FMN1: variants seen among roughly 807,000 people sequenced by gnomAD.
FMN1 encodes formin-1.
Under a neutral mutation model 132.4 loss-of-function variants are expected in FMN1, and 110 were observed. That is an observed-to-expected ratio of 0.83 (90% CI 0.71 to 0.97). The LOEUF is 0.97. FMN1 is among the 50% of genes least tolerant of loss of function. The probability of loss-of-function intolerance (pLI) is 0.00; values close to 1 mark genes in which losing one functional copy is unlikely to be tolerated. For missense variants in FMN1, 1,792 were observed against 1,705.3 expected, an observed-to-expected ratio of 1.05 and a Z score of -0.90; for synonymous variants, 722 against 651.7, an observed-to-expected ratio of 1.11 and a Z score of -1.64.
At chr15:32,936,752 T>C (rs1175512947) in intron 9 of FMN1, among the ~76,000 whole-genome samples, 1 of 151,648 alleles carries the variant, frequency 6.6e-6, no homozygotes, top group Non-Finnish European at 1.5e-5. Context: ...TGGGTGAAGA[T>C]GAAGAAGAGC....
intron 9 of FMN1, among the ~76,000 whole-genome samples, chr15:32,936,229 T>G (rs1394027462): frequency 6.6e-6 from 1 of 152,228 alleles, no homozygotes; most frequent in African/African-American, 2.4e-5. Flanking sequence ...AGGATTGGTT[T>G]GATTTCTTTT....
chr15:32,906,767 G>A (rs549387129), intron 12 of FMN1, among the ~76,000 whole-genome samples: 2 of 152,206 alleles, frequency 1.3e-5, no homozygotes, highest in Admixed American at 6.5e-5. Context: ...AGGATCAGTT[G>A]AGGGTAGGGA....
rs150117621 is a variant in FMN1, at chr15:33,008,594, C to T, written c.2162-519G>A. Among the ~76,000 whole-genome samples the T allele has an allele frequency of 4.6e-3, 705 of 152,278 alleles. 7 individuals carry two copies. Among genetic ancestry groups the T allele is most frequent in the African/African-American group, 0.016 (679 of 41,556 alleles). On this transcript the variant is annotated intron_variant, in intron 6 of 20. Coordinates refer to ENST00000616417, the MANE Select transcript of FMN1 (RefSeq NM_001277313.2). The stretch of plus-strand genomic sequence containing the variant: ...ATCTCAGAAAGTCAATACTATTTGT[C>T]ATTTGGATGAGAGATTCTAGGGTGA...
rs74451724 is a variant in FMN1, at chr15:32,839,199, G to A, written c.3928+17816C>T. On this transcript the variant is annotated intron_variant, in intron 17 of 20. Coordinates refer to ENST00000616417, the MANE Select transcript of FMN1 (RefSeq NM_001277313.2). ...CGGCTGGCTTCTCACAGGCAGCTTC[G>A]GGTCTACCGCTTTCTGCACCCTGCC... Among the ~76,000 whole-genome samples, 969 of 152,210 alleles carry A rather than the reference G, an allele frequency of 6.4e-3. 13 individuals are homozygous for A. The highest frequency in any genetic ancestry group is 0.056 in the East Asian group (292 of 5,170).
chr15:32,910,246 T>C (rs923602286), intron 11 of FMN1, among the ~76,000 whole-genome samples: 22 of 152,202 alleles, frequency 1.4e-4, no homozygotes, highest in African/African-American at 5.1e-4. Context: ...CCACCTGAGA[T>C]GCCCTGCCTT....
intron 4 of FMN1, among the ~76,000 whole-genome samples, chr15:33,093,723 A>C (rs2038982236): frequency 6.6e-6 from 1 of 152,290 alleles, no homozygotes; most frequent in South Asian, 2.1e-4. Flanking sequence ...GGACAGGCGG[A>C]AGGTGTGGCC....
intron 7 of FMN1, among the ~76,000 whole-genome samples, chr15:32,988,783 A>AGAACG (rs111612459): frequency 6.6e-6 from 1 of 151,628 alleles, no homozygotes; most frequent in African/African-American, 2.4e-5. Flanking sequence ...GTATTGAGAA[A>AGAACG]GTTGAGAACC....
At chr15:32,964,013 C>CGA in intron 9 of FMN1, 94 bp downstream of exon 9, 1 of 343,582 alleles carries the variant, frequency 2.9e-6, no homozygotes, top group African/African-American at 3.8e-5. Flanking sequence ...TGTGTATATA[C>CGA]GATACACACA....
Position 32,798,788 on chromosome 15 carries a change from T to C in FMN1, c.4130+16A>G, listed in dbSNP as rs764050712. 2.5e-6 allele frequency: 4 copies of C among 1,602,040 alleles called. No homozygotes were observed. The highest frequency in any genetic ancestry group is 3.4e-6 in the Non-Finnish European group (4 of 1,173,666). On this transcript the variant is annotated intron_variant, in intron 19 of 20. Coordinates refer to ENST00000616417, the MANE Select transcript of FMN1 (RefSeq NM_001277313.2). ...GGCTCCTGAAGGAGGCATTAAAATCTTTTTTTGAACCTTACCTTTCTTTAG... is the reference window on the plus strand; with the variant it reads ...GGCTCCTGAAGGAGGCATTAAAATCCTTTTTTGAACCTTACCTTTCTTTAG...
At chr15:32,805,913 A>G (rs12906330) in intron 17 of FMN1, among the ~76,000 whole-genome samples, 30,449 of 152,196 alleles carry the variant, frequency 0.2, 3,942 homozygotes, top group Admixed American at 0.28. Flanking sequence ...CTAAGATACA[A>G]TTCTGAATCC....
rs540711669 is a variant in FMN1, at chr15:32,903,330, ACT to A, written c.3378-1292_3378-1291del. On this transcript the variant is annotated intron_variant, in intron 12 of 20. Transcript: ENST00000616417. ...CATTAGGACAAGATGAAAAAGTTAA[ACT>A]CTGTGTAAATTACTTCTTAATGAAT... Among the ~76,000 whole-genome samples the A allele has an allele frequency of 6.6e-5, 10 of 152,306 alleles. No individual in the cohort carries two copies. The East Asian group carries it at 1.7e-3, about 26-fold the overall frequency.
chr15:33,077,472 G>A (rs954208387), intron 5 of FMN1, among the ~76,000 whole-genome samples: 10 of 150,682 alleles, frequency 6.6e-5, no homozygotes, highest in East Asian at 3.9e-4. Flanking sequence ...CCAATAACTC[G>A]TCATTTACCT....
chr15:33,092,089 A>G lies in FMN1; in HGVS notation c.1868-3115T>C, dbSNP rs573153301. Among the ~76,000 whole-genome samples, 8 of 152,322 alleles carry G rather than the reference A, an allele frequency of 5.3e-5. No homozygotes were observed. The East Asian group carries it at 1.5e-3, about 29-fold the overall frequency. The stretch of plus-strand genomic sequence containing the variant: ...GTTATCTGTACAGCTGACCACGGTT[A>G]ATACAACGTACAGCACAGTCACAGT... On this transcript the variant is annotated intron_variant, in intron 4 of 20. Coordinates refer to ENST00000616417, the MANE Select transcript of FMN1 (RefSeq NM_001277313.2).
chr15:33,108,011 G>T (rs74801791), intron 4 of FMN1, among the ~76,000 whole-genome samples: 1,771 of 152,202 alleles, frequency 0.012, 27 homozygotes, highest in African/African-American at 0.041. Flanking sequence ...GTTATTGGGA[G>T]TGAGGGACTA....
intron 4 of FMN1, among the ~76,000 whole-genome samples, chr15:33,131,682 A>T (rs990948534): frequency 1.3e-5 from 2 of 152,128 alleles, no homozygotes; most frequent in African/African-American, 4.8e-5. Context: ...CAAAGCAACC[A>T]GCCCGAGCAG....
chr15:33,115,110 A>G (rs1019331456), intron 4 of FMN1, among the ~76,000 whole-genome samples: 9 of 152,330 alleles, frequency 5.9e-5, no homozygotes, highest in African/African-American at 2.2e-4. Context: ...TGATACAAAG[A>G]TAACTAAGAC....
intron 4 of FMN1, among the ~76,000 whole-genome samples, chr15:33,124,017 C>T (rs1344175404): frequency 1.3e-5 from 2 of 152,154 alleles, no homozygotes; most frequent in African/African-American, 4.8e-5. Context: ...CCCAACTATT[C>T]CAGCAAAGGA....
At chr15:33,144,081 TG>T (rs1277517974) in intron 4 of FMN1, among the ~76,000 whole-genome samples, 2 of 152,222 alleles carry the variant, frequency 1.3e-5, no homozygotes, top group Non-Finnish European at 2.9e-5. Flanking sequence ...CAGAAATGAT[TG>T]GGAGGAAGAA....
intron 6 of FMN1, among the ~76,000 whole-genome samples, chr15:33,038,855 G>T (rs1343055402): frequency 6.6e-6 from 1 of 152,152 alleles, no homozygotes; most frequent in Non-Finnish European, 1.5e-5. Flanking sequence ...AAAAGAATTT[G>T]CTCAAAATTA....
Sources: allele counts gnomAD v4.1 joint callset (sites outside exome capture counted in the v4.1 genomes callset), GRCh38; gene constraint gnomAD v4.1.1; transcripts MANE v1.5; gene names NCBI Gene and HGNC (gene_info 2026-07-23, HGNC 2026-07-21).